Variants in NEDD9 observed in about 807,000 individuals in gnomAD.
NEDD9 encodes the protein enhancer of filamentation 1.
Under a neutral mutation model 76.6 loss-of-function variants are expected in NEDD9, and 26 were observed. The observed-to-expected ratio is 0.34, with a 90% CI of 0.25 to 0.47. The LOEUF is 0.47. Among genes scored for constraint, NEDD9 ranks in the 20% least tolerant of loss-of-function variants. The pLI is 1.00. For missense variants in NEDD9, 937 were observed against 1,058.5 expected (o/e 0.89, Z 1.59); for synonymous variants, 392 against 414.2 (o/e 0.95, Z 0.65).
chr6:11,231,588 G>A (rs1759469217), intron 1 of NEDD9, among the ~76,000 whole-genome samples: 1 of 152,156 alleles, frequency 6.6e-6, no homozygotes, highest in African/African-American at 2.4e-5. Flanking sequence ...AAATAAAATA[G>A]TAGCACTAGC....
At chr6:11,328,346 A>G (rs1279629611) in intron 2 of NEDD9, among the ~76,000 whole-genome samples, 3 of 152,252 alleles carry the variant, frequency 2.0e-5, no homozygotes, top group Non-Finnish European at 4.4e-5. Context: ...ACATTCATAC[A>G]TATCAGGAAT....
intron 3 of NEDD9, among the ~76,000 whole-genome samples, chr6:11,264,635 G>A (rs979421939): frequency 1.3e-5 from 2 of 152,098 alleles, no homozygotes; most frequent in African/African-American, 4.8e-5. Context: ...CTGTGGATTC[G>A]TTTAAAACAG....
At chr6:11,301,040 C>A (rs1761033553) in intron 3 of NEDD9, among the ~76,000 whole-genome samples, 2 of 152,106 alleles carry the variant, frequency 1.3e-5, no homozygotes, top group South Asian at 4.2e-4. Context: ...TGAAAATGGG[C>A]TAAATGCCCC....
chr6:11,315,250 C>T (rs758571998), intron 2 of NEDD9, among the ~76,000 whole-genome samples: 2 of 152,224 alleles, frequency 1.3e-5, no homozygotes, highest in African/African-American at 4.8e-5. Context: ...CCTTCTACCA[C>T]GTTGGGATTC....
chr6:11,296,436 C>T (rs1760885845), intron 3 of NEDD9, among the ~76,000 whole-genome samples: 1 of 152,182 alleles, frequency 6.6e-6, no homozygotes, highest in East Asian at 1.9e-4. Context: ...TACAATAGGT[C>T]AGGATAATCA....
chr6:11,358,861 G>A (rs980479990), intron 1 of NEDD9, among the ~76,000 whole-genome samples: 2 of 152,186 alleles, frequency 1.3e-5, no homozygotes, highest in Non-Finnish European at 2.9e-5. Context: ...TACTGAGAGA[G>A]GGGCTAAGAT....
At chr6:11,227,186 CA>C (rs1310296056) in intron 1 of NEDD9, among the ~76,000 whole-genome samples, 5 of 152,192 alleles carry the variant, frequency 3.3e-5, no homozygotes, top group Non-Finnish European at 5.9e-5. Context: ...TTACAATACA[CA>C]TCCAGGCCCA....
At chr6:11,188,356 C>T (rs201699685) in intron 5 of NEDD9, 49 bp from the exon 6 acceptor site, 1 of 1,415,144 alleles carries the variant, frequency 7.1e-7, no homozygotes, top group East Asian at 2.3e-5. Flanking sequence ...CTGTGATTCA[C>T]TTATGCTAAC....
intron 3 of NEDD9, among the ~76,000 whole-genome samples, chr6:11,290,707 G>A (rs973516260): frequency 2.6e-5 from 4 of 152,170 alleles, no homozygotes; most frequent in Admixed American, 1.3e-4. Context: ...TGGGCAAGAG[G>A]CCCCTGGGTG....
intron 1 of NEDD9, among the ~76,000 whole-genome samples, chr6:11,349,867 A>G (rs1762432274): frequency 6.6e-6 from 1 of 152,302 alleles, no homozygotes; most frequent in East Asian, 1.9e-4. Flanking sequence ...AAAATCCCTC[A>G]TGACATGAGG....
At chr6:11,366,270 AGAAG>A (rs753253031) in intron 1 of NEDD9, among the ~76,000 whole-genome samples, 108 of 132,490 alleles carry the variant, frequency 8.2e-4, no homozygotes, top group East Asian at 4.3e-3. Context: ...AGTCTGAGAA[AGAAG>A]GAAGGAAGGA....
chr6:11,306,201 A>C (rs1159079592), intron 2 of NEDD9: 2 of 644,768 alleles, frequency 3.1e-6, no homozygotes, highest in Non-Finnish European at 5.4e-6. Flanking sequence ...GATCTGAAAA[A>C]AATTGAGATG....
In NEDD9 at chr6:11,213,328, C is replaced by T. The variant is rs1224971625; in HGVS notation, c.412G>A (p.Val138Met). 3 of 1,614,146 alleles carry T rather than the reference C, an allele frequency of 1.9e-6. No individual in the cohort carries two copies. Among genetic ancestry groups the T allele is most frequent in the Non-Finnish European group, 2.5e-6 (3 of 1,179,996 alleles). ...EQEVYQVPPS[V>M]QRSIGGTSGP... ...CTGGTTCCCCCAATGCTTCTCTGCA[C>T]TGATGGTGGCACCTGATATACCTCT... The change falls in exon 2 of 7, where the codon GTG (valine) becomes ATG (methionine). Residue 138 changes from valine to methionine, a missense_variant. Physicochemically the swap from Val to Met is conservative, Grantham distance 21 (BLOSUM62 1). Coordinates refer to ENST00000379446, the MANE Select transcript of NEDD9 (RefSeq NM_006403.4). This position sits in a 1 kb window ranked among gnomAD's most constrained non-coding sequence, Gnocchi z 5.4.
At chr6:11,302,810 C>G (rs1040167514) in intron 3 of NEDD9, among the ~76,000 whole-genome samples, 3 of 152,142 alleles carry the variant, frequency 2.0e-5, no homozygotes, top group Admixed American at 2.0e-4. Flanking sequence ...CGATAAAATT[C>G]AACAGCGCTT....
chr6:11,358,369 C>T (rs533702460), intron 1 of NEDD9, among the ~76,000 whole-genome samples: 9 of 151,880 alleles, frequency 5.9e-5, no homozygotes, highest in East Asian at 3.9e-4. Context: ...CAGTGCAGAA[C>T]GCTCCTCCAG....
At chr6:11,350,176 A>G (rs1762439237) in intron 1 of NEDD9, among the ~76,000 whole-genome samples, 1 of 152,216 alleles carries the variant, frequency 6.6e-6, no homozygotes, top group South Asian at 2.1e-4. Context: ...AGGTACATAT[A>G]TATCTCCAAT....
chr6:11,379,899 C>A (rs78062149), intron 1 of NEDD9, among the ~76,000 whole-genome samples: 2 of 152,194 alleles, frequency 1.3e-5, no homozygotes, highest in Non-Finnish European at 2.9e-5. Context: ...ATATAAAATT[C>A]TCCTATTTGT....
chr6:11,323,769 A>G (rs1385506103), intron 2 of NEDD9, among the ~76,000 whole-genome samples: 1 of 152,226 alleles, frequency 6.6e-6, no homozygotes. Flanking sequence ...GTGGTGTTGC[A>G]AAGTCTCCCA....
At chr6:11,210,424 G>T (rs1056942992) in intron 2 of NEDD9, among the ~76,000 whole-genome samples, 10 of 152,084 alleles carry the variant, frequency 6.6e-5, no homozygotes, top group Non-Finnish European at 1.5e-4. Flanking sequence ...CTAGTTCTGG[G>T]CTCATATTAT....
Sources: allele counts gnomAD v4.1 joint callset (sites outside exome capture counted in the v4.1 genomes callset), GRCh38; gene constraint gnomAD v4.1.1; non-coding constraint Gnocchi (gnomAD v3.1); transcripts MANE v1.5; gene names NCBI Gene and HGNC (gene_info 2026-07-23, HGNC 2026-07-21).